The following UTRN variants were observed in gnomAD, a reference collection of about 807,000 sequenced individuals.
UTRN encodes utrophin, also known as dystrophin-related protein 1.
A neutral mutation model predicts 463.9 loss-of-function variants in UTRN; 283 were observed. That is an observed-to-expected ratio of 0.61 (90% CI 0.55 to 0.67). The LOEUF (loss-of-function observed/expected upper bound fraction) is 0.67. Among genes scored for constraint, UTRN ranks in the 30% least tolerant of loss-of-function variants. The pLI is 0.00. For synonymous variants in UTRN, 1,442 were observed against 1,431.5 expected (o/e 1.01, Z -0.17); for missense variants, 3,922 against 4,084.3 (o/e 0.96, Z 1.08).
intron 3 of UTRN, among the ~76,000 whole-genome samples, chr6:144,412,781 A>T (rs1158281757): frequency 6.6e-6 from 1 of 150,534 alleles, no homozygotes; most frequent in Admixed American, 6.6e-5. Flanking sequence ...ACACACACAC[A>T]CACACACACA....
chr6:144,542,488 A>G (rs1296421211), intron 45 of UTRN, among the ~76,000 whole-genome samples: 2 of 152,210 alleles, frequency 1.3e-5, no homozygotes, highest in East Asian at 3.9e-4. Flanking sequence ...AGAGCCAGCC[A>G]GAGAGGTAGG....
chr6:144,610,734 G>A (rs1438220551), intron 51 of UTRN, among the ~76,000 whole-genome samples: 1 of 152,132 alleles, frequency 6.6e-6, no homozygotes, highest in Non-Finnish European at 1.5e-5. Context: ...AATTAGCCGG[G>A]CGTGGTGGCA....
intron 62 of UTRN, among the ~76,000 whole-genome samples, chr6:144,790,077 C>A (rs898069657): frequency 5.9e-5 from 9 of 152,006 alleles, no homozygotes; most frequent in African/African-American, 2.2e-4. Flanking sequence ...TTTTCTTCAA[C>A]TGAAAAAATG....
chr6:144,613,422 G>A (rs1585567793), intron 51 of UTRN, among the ~76,000 whole-genome samples: 1 of 151,970 alleles, frequency 6.6e-6, no homozygotes, highest in East Asian at 1.9e-4. Context: ...AGATGAATCG[G>A]TTAATTAGTT....
intron 3 of UTRN, among the ~76,000 whole-genome samples, chr6:144,409,833 G>T (rs1337734367): frequency 1.3e-5 from 2 of 152,148 alleles, no homozygotes; most frequent in Non-Finnish European, 1.5e-5. Context: ...GGTACCTCTG[G>T]TTACCAACAT....
intron 27 of UTRN, among the ~76,000 whole-genome samples, chr6:144,483,801 T>A (rs1792136254): frequency 6.6e-6 from 1 of 152,210 alleles, no homozygotes; most frequent in African/African-American, 2.4e-5. Flanking sequence ...CCTGGTTAAC[T>A]GAGAATAGTT....
chr6:144,610,534 A>G (rs932639658), intron 51 of UTRN, among the ~76,000 whole-genome samples: 1 of 152,168 alleles, frequency 6.6e-6, no homozygotes, highest in African/African-American at 2.4e-5. Flanking sequence ...TAGAAAATCA[A>G]AGTAGACAGA....
intron 51 of UTRN, among the ~76,000 whole-genome samples, chr6:144,581,624 T>C (rs1265406778): frequency 6.6e-6 from 1 of 152,218 alleles, no homozygotes; most frequent in Non-Finnish European, 1.5e-5. Context: ...GCCTATCTCA[T>C]GGGGACTTCA....
chr6:144,516,660 T>TA (rs11315151), intron 38 of UTRN, 151 bp from the exon 39 acceptor site: 45 of 647,498 alleles, frequency 6.9e-5, no homozygotes, highest in African/African-American at 1.9e-4. Context: ...AAAATATATT[T>TA]AAAAAAAACA....
chr6:144,690,701 A>G (rs1232945136), intron 52 of UTRN, among the ~76,000 whole-genome samples: 1 of 152,158 alleles, frequency 6.6e-6, no homozygotes, highest in African/African-American at 2.4e-5. Flanking sequence ...GGGAGTGCAC[A>G]CACAGCACAT....
At chr6:144,585,724 G>A (rs1211300173) in intron 51 of UTRN, among the ~76,000 whole-genome samples, 1 of 152,024 alleles carries the variant, frequency 6.6e-6, no homozygotes, top group Admixed American at 6.5e-5. Flanking sequence ...GTTTAAATGG[G>A]TTTGACATTT....
At chr6:144,798,879 C>T (rs141241339) in intron 64 of UTRN, among the ~76,000 whole-genome samples, 2,746 of 152,308 alleles carry the variant, frequency 0.018, 42 homozygotes, top group African/African-American at 0.04. Flanking sequence ...GTAGCTGGGA[C>T]TACAGGTGCA....
At chr6:144,606,134 A>G (rs1804822964) in intron 51 of UTRN, among the ~76,000 whole-genome samples, 1 of 152,204 alleles carries the variant, frequency 6.6e-6, no homozygotes, top group South Asian at 2.1e-4. Context: ...GGTGATCATA[A>G]ATGAACTTAG....
At chr6:144,641,915 T>C (rs1777812251) in intron 51 of UTRN, among the ~76,000 whole-genome samples, 1 of 152,234 alleles carries the variant, frequency 6.6e-6, no homozygotes, top group Non-Finnish European at 1.5e-5. Flanking sequence ...ATGCAAGTGT[T>C]TACATGAATA....
At chr6:144,724,555 A>G (rs964090856) in intron 53 of UTRN, among the ~76,000 whole-genome samples, 1 of 151,952 alleles carries the variant, frequency 6.6e-6, no homozygotes, top group African/African-American at 2.4e-5. Flanking sequence ...CAAAAAGAAC[A>G]TCCATACCCA....
chr6:144,833,625 A>G (rs1466516623), intron 69 of UTRN, among the ~76,000 whole-genome samples: 2 of 152,128 alleles, frequency 1.3e-5, no homozygotes, highest in Non-Finnish European at 2.9e-5. Context: ...TATCTACTAT[A>G]TCTTTACGCT....
intron 2 of UTRN, among the ~76,000 whole-genome samples, chr6:144,395,519 A>ATCT (rs1782328470): frequency 6.6e-6 from 1 of 152,108 alleles, no homozygotes; most frequent in African/African-American, 2.4e-5. Context: ...AGAAAGTGCA[A>ATCT]GTAGAAAAAC....
intron 33 of UTRN, among the ~76,000 whole-genome samples, chr6:144,498,233 A>G (rs1793843159): frequency 6.6e-6 from 1 of 152,258 alleles, no homozygotes; most frequent in Admixed American, 6.5e-5. Flanking sequence ...CAAAGATTGT[A>G]CCACCCTGGC....
chr6:144,518,336 G>T (rs1420350693), intron 39 of UTRN, among the ~76,000 whole-genome samples: 1 of 152,130 alleles, frequency 6.6e-6, no homozygotes, highest in Non-Finnish European at 1.5e-5. Context: ...TAAATGCAAG[G>T]TCTGTCAATA....
Sources: allele counts gnomAD v4.1 joint callset (sites outside exome capture counted in the v4.1 genomes callset), GRCh38; gene constraint gnomAD v4.1.1; transcripts MANE v1.5; gene names NCBI Gene and HGNC (gene_info 2026-07-23, HGNC 2026-07-21).